Variants in RADX observed in about 807,000 individuals in gnomAD.
The protein encoded by RADX is RPA-related protein RADX.
Under a neutral mutation model 61.6 loss-of-function variants are expected in RADX, and 36 were observed. The ratio of observed to expected loss-of-function variants is 0.58; its 90% CI spans 0.45 to 0.77. RADX has a LOEUF of 0.77. RADX is among the 30% of genes least tolerant of loss of function. The pLI, the probability that RADX is intolerant of heterozygous loss-of-function variation, is 0.00. For synonymous variants in RADX, 272 were observed against 237.9 expected, an observed-to-expected ratio of 1.14 and a Z score of -1.32; for missense variants, 497 against 651.1, an observed-to-expected ratio of 0.76 and a Z score of 2.58.
rs1928115491 is a variant in RADX, at chrX:106,662,110, T to G, written c.2074T>G (p.Leu692Val). ...GCTGTGGAGAGAGAAAAAGTTTGGC[T>G]TAATAGATCACCTACACTACAGCCG... ...SQLWREKKFG[L>V]IDHLHYSRVY... The change falls in exon 12 of 14, where the codon TTA becomes GTA. Residue 692 changes from leucine (L) to valine (V), a missense_variant. Around this residue, in one of 3 missense-constraint regions of RADX, gnomAD observed 267 missense variants for 306.9 expected, o/e 0.87. Transcript: ENST00000372548. 8.3e-7 allele frequency: 1 copy of G among 1,210,630 alleles called. No homozygotes were observed. The highest frequency in any genetic ancestry group is 1.1e-6 in the Non-Finnish European group (1 of 894,817).
intron 10 of RADX, among the ~76,000 whole-genome samples, chrX:106,643,316 A>G (rs1927569776): frequency 9.0e-6 from 1 of 111,249 alleles, no homozygotes; most frequent in African/African-American, 3.3e-5. Context: ...TTTGCTGTGC[A>G]GAAGCTTTTC....
intron 11 of RADX, among the ~76,000 whole-genome samples, chrX:106,652,446 T>C (rs745830540): frequency 1.8e-5 from 2 of 110,991 alleles, no homozygotes; most frequent in African/African-American, 3.3e-5. Flanking sequence ...TATAGCAATA[T>C]TCATATGAAG....
chrX:106,637,396 C>T (rs1449122465), intron 7 of RADX, among the ~76,000 whole-genome samples: 2 of 112,083 alleles, frequency 1.8e-5, no homozygotes, highest in African/African-American at 6.5e-5. Context: ...TACATGATGC[C>T]ATAATTTCAG....
chrX:106,625,785 C>G (rs772125603), intron 3 of RADX, among the ~76,000 whole-genome samples: 1 of 111,141 alleles, frequency 9.0e-6, no homozygotes, highest in Non-Finnish European at 1.9e-5. Context: ...TATCTTTACA[C>G]ACACACACAC....
intron 10 of RADX, 99 bp downstream of exon 10, chrX:106,640,820 G>A (rs1414323267): frequency 1.2e-5 from 7 of 573,267 alleles, no homozygotes; most frequent in Non-Finnish European, 1.8e-5. Context: ...GTATTAATTT[G>A]TTAGGGCCCC....
intron 12 of RADX, among the ~76,000 whole-genome samples, chrX:106,665,472 A>C (rs148921690): frequency 9.0e-6 from 1 of 111,176 alleles, no homozygotes; most frequent in African/African-American, 3.3e-5. Flanking sequence ...TTAACTATTT[A>C]AAAATGTGAA....
At chrX:106,674,597 A>G (rs528888463) in intron 13 of RADX, among the ~76,000 whole-genome samples, 1 of 111,557 alleles carries the variant, frequency 9.0e-6, no homozygotes, top group Non-Finnish European at 1.9e-5. Flanking sequence ...GCCCATTCGT[A>G]TGTCTTCTTT....
At chrX:106,638,083 A>G (rs183082280) in intron 8 of RADX, 159 bp downstream of exon 8, 2 of 437,877 alleles carry the variant, frequency 4.6e-6, no homozygotes, top group Admixed American at 4.2e-5. Context: ...AGATCTAAAA[A>G]TATATGTCAC....
chrX:106,616,052 T>C (rs1315667380), intron 1 of RADX, among the ~76,000 whole-genome samples: 1 of 111,529 alleles, frequency 9.0e-6, no homozygotes, highest in African/African-American at 3.3e-5. Context: ...AAAATTCCTC[T>C]CTAAAACTAT....
chrX:106,625,836 T>G, intron 3 of RADX, among the ~76,000 whole-genome samples: 1 of 111,268 alleles, frequency 9.0e-6, no homozygotes, highest in Middle Eastern at 4.6e-3. Context: ...TGTGATCCAG[T>G]AAGAGAAAGT....
chrX:106,628,704 T>C (rs758769951), intron 3 of RADX, among the ~76,000 whole-genome samples: 2 of 107,279 alleles, frequency 1.9e-5, no homozygotes, highest in Admixed American at 1.0e-4. Flanking sequence ...AGTGGCGTGG[T>C]GCAAACTTGG....
At chrX:106,638,661 G>A (rs761002702) in intron 8 of RADX, 254 of 112,340 alleles carry the variant, frequency 2.3e-3, no homozygotes, top group African/African-American at 8.0e-3. Flanking sequence ...GAACTGATAA[G>A]TATAATACAA....
chrX:106,640,230 G>A lies in RADX; in HGVS notation c.1735-322G>A, dbSNP rs760957129. On this transcript the variant is annotated intron_variant, in intron 9 of 13. Transcript: ENST00000372548. ...AGAAGATGCCAGTTCTGGAATATTG[G>A]CACAATCAAGACAAGTTAATTTTTC... is the stretch of plus-strand genomic sequence containing the variant. Among the ~76,000 whole-genome samples, 28 of 110,643 alleles carry A rather than the reference G, an allele frequency of 2.5e-4. 1 individual carries two copies. The highest frequency in any genetic ancestry group is 4.7e-4 in the Non-Finnish European group (25 of 52,813).
chrX:106,633,293 G>C (rs1392399876), intron 6 of RADX, 41 bp downstream of exon 6: 5 of 1,115,018 alleles, frequency 4.5e-6, no homozygotes. Context: ...TTTGGAAGTA[G>C]GAGAATTAAC....
intron 13 of RADX, among the ~76,000 whole-genome samples, chrX:106,675,327 A>G (rs1928480428): frequency 8.9e-6 from 1 of 112,411 alleles, no homozygotes; most frequent in Non-Finnish European, 1.9e-5. Context: ...AAGCAACTCT[A>G]AAGTCACAGA....
chrX:106,637,968 A>C, intron 8 of RADX, 44 bp downstream of exon 8: 1 of 1,019,316 alleles, frequency 9.8e-7, no homozygotes, highest in Non-Finnish European at 1.4e-6. Context: ...TTTATATTTT[A>C]TATGTATGGC....
chrX:106,630,867 A>C (rs931116302), intron 3 of RADX, among the ~76,000 whole-genome samples: 1 of 111,762 alleles, frequency 8.9e-6, no homozygotes, highest in African/African-American at 3.3e-5. Flanking sequence ...ACATGAGTTT[A>C]CCTATATAAC....
chrX:106,673,992 G>A (rs916574744), intron 13 of RADX, among the ~76,000 whole-genome samples: 14 of 110,791 alleles, frequency 1.3e-4, no homozygotes, highest in Non-Finnish European at 1.9e-4. Context: ...CTCTCCCCAG[G>A]GCACAGAAAT....
At position 106,640,569 on chromosome X, in the gene RADX, G is replaced by A. The variant is rs62603154; in HGVS notation, c.1752G>A (p.Ser584=). ...GGTTTTAGAATGCTAACAGACCCTC[G>A]ACCTCTCAAGCAGCTAGAGTAGAAA... ...SETLRNANRP[S]TSQAARVEIQ... The change falls in exon 10 of 14, where the codon TCG becomes TCA. Residue 584 remains serine, a synonymous_variant. Transcript: ENST00000372548. 20 of 1,188,651 alleles carry A rather than the reference G, an allele frequency of 1.7e-5. No individual in the cohort carries two copies. The highest frequency in any genetic ancestry group is 2.0e-5 in the Non-Finnish European group (18 of 884,802).
Sources: allele counts gnomAD v4.1 joint callset (sites outside exome capture counted in the v4.1 genomes callset), GRCh38; gene constraint gnomAD v4.1.1; regional missense constraint gnomAD v4.1.1; transcripts MANE v1.5; gene names NCBI Gene and HGNC (gene_info 2026-07-23, HGNC 2026-07-21).